GGH: variants seen among roughly 807,000 people sequenced by gnomAD.
GGH encodes the protein gamma-glutamyl hydrolase.
Under a neutral mutation model 39.2 loss-of-function variants are expected in GGH, and 18 were observed. That is an observed-to-expected ratio of 0.46 (90% CI 0.32 to 0.68). GGH has a LOEUF of 0.68. Among genes scored for constraint, GGH ranks in the 30% least tolerant of loss-of-function variants. GGH has a pLI of 0.04. For missense variants in GGH, 367 were observed against 384.1 expected (o/e 0.96, Z 0.37); for synonymous variants, 147 against 138.8 (o/e 1.06, Z -0.42).
intron 5 of GGH, 91 bp from the exon 6 acceptor site, chr8:63,024,277 T>C (rs898260100): frequency 7.2e-6 from 5 of 695,454 alleles, no homozygotes; most frequent in African/African-American, 5.4e-5. Context: ...GAAGCCATTA[T>C]GAAGACATAA....
chr8:63,035,744 T>C lies in GGH; in HGVS notation c.136A>G (p.Lys46Glu), dbSNP rs1259164536. Reference protein sequence around the residue: ...IGILMQKCRNKVMKNYGRYYI... With the variant: ...IGILMQKCRNEVMKNYGRYYI... ...TATCTTCCATAGTTTTTCATGACTT[T>C]ATTACGGCATTTTTGCATTAATATT... is the stretch of plus-strand genomic sequence containing the variant. The change falls in exon 2 of 9, where the codon AAA (lysine) becomes GAA (glutamate). Residue 46 changes from lysine (K) to glutamate (E), a missense_variant. Transcript: ENST00000260118. The C allele has an allele frequency of 6.2e-7, 1 of 1,613,244 alleles. No homozygotes were observed. Among genetic ancestry groups the C allele is most frequent in the South Asian group, 1.1e-5 (1 of 90,604 alleles).
chr8:63,026,690 G>C, intron 4 of GGH, among the ~76,000 whole-genome samples: 1 of 152,162 alleles, frequency 6.6e-6, no homozygotes, highest in East Asian at 1.9e-4. Context: ...AAACAGCAAA[G>C]GTTTGAGCTA....
chr8:63,025,562 G>C (rs1260803908), intron 5 of GGH, among the ~76,000 whole-genome samples: 4 of 152,016 alleles, frequency 2.6e-5, no homozygotes, highest in Non-Finnish European at 5.9e-5. Flanking sequence ...GTGAAACCTT[G>C]TCCCTACTAA....
rs1263223702 is a variant in GGH, at chr8:63,015,350, T to C, written c.939A>G (p.Gln313=). 14 of 1,400,342 alleles carry C rather than the reference T, an allele frequency of 1.0e-5. No individual in the cohort carries two copies. The highest frequency in any genetic ancestry group is 1.4e-5 in the African/African-American group (1 of 70,090). The allele number at this position is 1,400,342 out of a possible 1,614,324, so 86.7% of individuals were successfully genotyped here. The part of the protein sequence containing the change: ...IYTGNISSFQ[Q]CYIFD ...AAGACTTTCAATCAAATATGTAACA[T>C]TGCTGAAATGAAGAAATATTTCCAG... Residue 313 remains glutamine (Q), a synonymous_variant, in exon 9 of 9, where the codon CAA becomes CAG. Coordinates refer to ENST00000260118, the MANE Select transcript of GGH (RefSeq NM_003878.3).
intron 3 of GGH, among the ~76,000 whole-genome samples, chr8:63,029,344 C>G (rs1168990137): frequency 6.6e-6 from 1 of 152,114 alleles, no homozygotes; most frequent in Non-Finnish European, 1.5e-5. Flanking sequence ...CAATGGTGAT[C>G]TAAGTCAGCA....
In GGH at chr8:63,035,751, G is replaced by A. The variant is rs142108552; in HGVS notation, c.129C>T (p.Cys43=). Residue 43 remains cysteine (C), a synonymous_variant, in exon 2 of 9, where the codon TGC becomes TGT. Coordinates refer to ENST00000260118, the MANE Select transcript of GGH (RefSeq NM_003878.3). ...CATAGTTTTTCATGACTTTATTACGGCATTTTTGCATTAATATTCCTAATA... is the reference window on the plus strand; with the variant it reads ...CATAGTTTTTCATGACTTTATTACGACATTTTTGCATTAATATTCCTAATA... ...KPIIGILMQK[C]RNKVMKNYGR... is the part of the protein sequence containing the mutation. The A allele has an allele frequency of 1.2e-6, 2 of 1,611,096 alleles. No individual in the cohort carries two copies. The highest frequency in any genetic ancestry group is 2.7e-5 in the African/African-American group (2 of 74,614).
chr8:63,031,422 T>C (rs1352895817), intron 2 of GGH, among the ~76,000 whole-genome samples: 1 of 152,200 alleles, frequency 6.6e-6, no homozygotes, highest in Non-Finnish European at 1.5e-5. Flanking sequence ...GAAATATCAA[T>C]ATACATGTAC....
chr8:63,023,679 GC>G, intron 7 of GGH: 1 of 307,626 alleles, frequency 3.3e-6, no homozygotes, highest in Non-Finnish European at 5.9e-6. Context: ...CTTCATCCTT[GC>G]CCCCTTTATT....
At position 63,015,234 on chromosome 8, in the gene GGH, G is replaced by A; in HGVS notation, c.*98C>T. On this transcript the variant is annotated 3_prime_UTR_variant, in exon 9 of 9. Transcript: ENST00000260118. ...TCAGAGCCAGGCACATTATAGAAAAGAATCTGTGACTTCCTAATCTTGCCA... is the reference window on the plus strand; with the variant it reads ...TCAGAGCCAGGCACATTATAGAAAAAAATCTGTGACTTCCTAATCTTGCCA... 1 of 618,252 alleles carries A rather than the reference G, an allele frequency of 1.6e-6. No individual in the cohort carries two copies. The highest frequency in any genetic ancestry group is 2.8e-5 in the East Asian group (1 of 35,990). 38.3% of individuals were successfully genotyped at this position (618,252 alleles called of 1,614,324 possible).
chr8:63,033,632 T>TC (rs1804845538), intron 2 of GGH, among the ~76,000 whole-genome samples: 3 of 152,118 alleles, frequency 2.0e-5, no homozygotes, highest in African/African-American at 7.2e-5. Context: ...TTTATAATTT[T>TC]AACTTTTATT....
chr8:63,035,763 T>G lies in GGH; in HGVS notation c.117A>C (p.Leu39Phe). The G allele has an allele frequency of 6.2e-7, 1 of 1,607,498 alleles. No individual in the cohort carries two copies. Among genetic ancestry groups the G allele is most frequent in the Middle Eastern group, 1.7e-4 (1 of 6,018 alleles). Residue 39 changes from leucine (L) to phenylalanine (F), a missense_variant, in exon 2 of 9, where the codon TTA becomes TTC. Leu to Phe is a conservative substitution (Grantham distance 22). Coordinates refer to ENST00000260118, the MANE Select transcript of GGH (RefSeq NM_003878.3). The part of the protein sequence containing the change: ...DTAKKPIIGI[L>F]MQKCRNKVMK... ...TGACTTTATTACGGCATTTTTGCAT[T>G]AATATTCCTAATAACAAAAAAAAGT...
chr8:63,024,446 T>C (rs2129651757), intron 5 of GGH: 1 of 322,282 alleles, frequency 3.1e-6, no homozygotes, highest in Non-Finnish European at 5.6e-6. Flanking sequence ...GATATGAGTA[T>C]TGGCAAGCTA....
chr8:63,022,066 T>C (rs1396126395), intron 7 of GGH, among the ~76,000 whole-genome samples: 1 of 152,168 alleles, frequency 6.6e-6, no homozygotes, highest in Non-Finnish European at 1.5e-5. Context: ...GTTATATGCA[T>C]TACAAATACC....
intron 1 of GGH, among the ~76,000 whole-genome samples, chr8:63,038,192 C>T (rs1475876300): frequency 1.3e-5 from 2 of 152,240 alleles, no homozygotes; most frequent in Non-Finnish European, 2.9e-5. Context: ...TGCTACTGAA[C>T]ATGACAAAAT....
chr8:63,019,557 G>C (rs955975238), intron 7 of GGH, among the ~76,000 whole-genome samples: 1 of 152,198 alleles, frequency 6.6e-6, no homozygotes, highest in African/African-American at 2.4e-5. Context: ...GATGGAAGTG[G>C]TCCAGTCAAA....
chr8:63,022,284 A>T (rs566302252), intron 7 of GGH, among the ~76,000 whole-genome samples: 51 of 150,240 alleles, frequency 3.4e-4, no homozygotes, highest in African/African-American at 9.5e-4. Context: ...CCACCTGAAA[A>T]TTTTTTTTTT....
rs186234876 is a variant in GGH, at chr8:63,021,818, C to T, written c.697+2089G>A. Among the ~76,000 whole-genome samples, 109 of 152,024 alleles carry T rather than the reference C, an allele frequency of 7.2e-4. 2 individuals carry two copies. The highest frequency in any genetic ancestry group is 2.2e-3 in the African/African-American group (92 of 41,496). On this transcript the variant is annotated intron_variant, in intron 7 of 8. Transcript: ENST00000260118. ...CCTCCCAAGTAGCTGGGATTACAGG[C>T]GTGCGCCACCACGCCTGGCTAATTT...
chr8:63,034,008 C>T (rs1336970226), intron 2 of GGH, among the ~76,000 whole-genome samples: 3 of 138,436 alleles, frequency 2.2e-5, no homozygotes, highest in African/African-American at 5.3e-5. Context: ...TATGTCTCTC[C>T]TTATATATAT....
At chr8:63,038,623 C>T in intron 1 of GGH, 37 bp downstream of exon 1, 1 of 1,179,648 alleles carries the variant, frequency 8.5e-7, no homozygotes, top group Admixed American at 2.7e-5. Context: ...ACACCCAGCT[C>T]CTCCCCGTCT....
Sources: gnomAD v4.1 joint callset for allele counts (sites outside exome capture counted in the v4.1 genomes callset) on GRCh38, gnomAD v4.1.1 for gene constraint, MANE v1.5 for transcripts, NCBI Gene and HGNC (gene_info 2026-07-23, HGNC 2026-07-21) for gene names.